The following EFTUD2 variants were observed in gnomAD, a reference collection of about 807,000 sequenced individuals.
EFTUD2 encodes elongation factor Tu GTP binding domain containing 2, also known as 116 kDa U5 small nuclear ribonucleoprotein component.
Under a neutral mutation model 114.3 loss-of-function variants are expected in EFTUD2, and 9 were observed. The observed-to-expected ratio is 0.08, with a 90% CI of 0.05 to 0.14. EFTUD2 has a LOEUF of 0.14. Ranked by LOEUF, EFTUD2 falls within the 10% of genes least tolerant of loss-of-function variation. EFTUD2 has a pLI of 1.00. For synonymous variants in EFTUD2, 449 were observed against 462.3 expected, an observed-to-expected ratio of 0.97 and a Z score of 0.37; for missense variants, 765 against 1,241.2, an observed-to-expected ratio of 0.62 and a Z score of 5.76.
At chr17:44,866,408 T>C (rs572303338) in intron 13 of EFTUD2, among the ~76,000 whole-genome samples, 39 of 141,958 alleles carry the variant, frequency 2.7e-4, no homozygotes, top group Middle Eastern at 3.6e-3. Context: ...CCAGTCCCAG[T>C]TGATTTATTT....
chr17:44,864,584 T>C (rs2050712568), intron 14 of EFTUD2, among the ~76,000 whole-genome samples: 1 of 152,178 alleles, frequency 6.6e-6, no homozygotes, highest in African/African-American at 2.4e-5. Context: ...TCCCAAGTCC[T>C]AGCCTAGTGC....
At chr17:44,858,217 C>T (rs1452906336) in intron 19 of EFTUD2, among the ~76,000 whole-genome samples, 2 of 151,932 alleles carry the variant, frequency 1.3e-5, no homozygotes, top group African/African-American at 4.8e-5. Flanking sequence ...CCACCGTGCT[C>T]GGCCTGTTTT....
chr17:44,860,315 G>T, intron 17 of EFTUD2, 117 bp downstream of exon 17: 1 of 824,802 alleles, frequency 1.2e-6, no homozygotes, highest in Non-Finnish European at 2.0e-6. Flanking sequence ...ATATCTAGAA[G>T]GCTAAGCCTG....
chr17:44,883,524 A>G, intron 5 of EFTUD2, 125 bp downstream of exon 5: 1 of 898,696 alleles, frequency 1.1e-6, no homozygotes, highest in Non-Finnish European at 1.8e-6. Context: ...ACAGGCATGC[A>G]GCACCCCTAG....
chr17:44,863,500 G>A (rs2050693366), intron 15 of EFTUD2, 155 bp downstream of exon 15: 4 of 1,044,902 alleles, frequency 3.8e-6, no homozygotes, highest in Non-Finnish European at 4.2e-6. Context: ...CACTAGCGGT[G>A]GCAACATCAG....
At chr17:44,886,897 T>A in intron 2 of EFTUD2, 147 bp from the exon 3 acceptor site, 1 of 1,335,314 alleles carries the variant, frequency 7.5e-7, no homozygotes, top group South Asian at 1.5e-5. Flanking sequence ...GTTCCACTCC[T>A]TTGAGACCCT....
chr17:44,893,768 G>T (rs1378862420), intron 2 of EFTUD2, among the ~76,000 whole-genome samples: 6 of 17,454 alleles, frequency 3.4e-4, no homozygotes, highest in Middle Eastern at 0.025. Context: ...AAAAAAAGGT[G>T]GGGGGGGGGG....
intron 2 of EFTUD2, among the ~76,000 whole-genome samples, chr17:44,891,258 T>G (rs1011574683): frequency 1.3e-5 from 2 of 152,114 alleles, no homozygotes; most frequent in Non-Finnish European, 2.9e-5. Context: ...ATGAGATAAA[T>G]GGGAATTAAC....
chr17:44,859,469 C>A (rs966404306), intron 18 of EFTUD2: 1 of 525,006 alleles, frequency 1.9e-6, no homozygotes, highest in South Asian at 2.3e-5. Flanking sequence ...CATAAGCTAG[C>A]CCTTTAGCCC....
chr17:44,851,602 A>G (rs1050874699), intron 27 of EFTUD2, 108 bp downstream of exon 27: 4 of 1,189,530 alleles, frequency 3.4e-6, no homozygotes, highest in Non-Finnish European at 4.7e-6. Context: ...ATATCTCTAC[A>G]TTGGAAAAGT....
At chr17:44,862,969 G>C (rs1035707558) in intron 15 of EFTUD2, 63 bp from the exon 16 acceptor site, 73 of 1,404,562 alleles carry the variant, frequency 5.2e-5, no homozygotes, top group Non-Finnish European at 7.0e-5. Context: ...ACTACTCCCC[G>C]CCATCTTCCT....
chr17:44,891,028 C>T (rs1302752705), intron 2 of EFTUD2, among the ~76,000 whole-genome samples: 1 of 152,062 alleles, frequency 6.6e-6, no homozygotes, highest in East Asian at 1.9e-4. Flanking sequence ...AGAGGAATGT[C>T]ACCAGGGCAA....
intron 9 of EFTUD2, among the ~76,000 whole-genome samples, chr17:44,876,526 C>T (rs2050952672): frequency 6.6e-6 from 1 of 152,144 alleles, no homozygotes; most frequent in Admixed American, 6.6e-5. Flanking sequence ...ACCCCAGTAG[C>T]AATGAGCACA....
At chr17:44,859,537 G>C (rs1411686878) in intron 18 of EFTUD2, 3 of 498,040 alleles carry the variant, frequency 6.0e-6, no homozygotes, top group Non-Finnish European at 1.1e-5. Context: ...AAGGATCAGA[G>C]TAACAACTCA....
Position 44,860,090 on chromosome 17 carries a change from G to A in EFTUD2, c.1720-45C>T, listed in dbSNP as rs777281637. On this transcript the variant is annotated intron_variant, in intron 17 of 27. Coordinates refer to ENST00000426333, the MANE Select transcript of EFTUD2 (RefSeq NM_004247.4). ...GGACTGAGGGCAACTGGCATGAGCA[G>A]GCACAGAAAGTGCAGAGGTATGAGA... 1.2e-5 allele frequency: 19 copies of A among 1,613,804 alleles called. No homozygotes were observed. In the South Asian group the frequency reaches 2.0e-4, roughly 17 times the overall value.
At chr17:44,896,704 A>T (rs971273767) in intron 1 of EFTUD2, among the ~76,000 whole-genome samples, 2 of 152,176 alleles carry the variant, frequency 1.3e-5, no homozygotes, top group African/African-American at 2.4e-5. Flanking sequence ...ATCACCAACT[A>T]TAGTTTATAA....
At chr17:44,875,180 T>C (rs1055343860) in intron 10 of EFTUD2, among the ~76,000 whole-genome samples, 5 of 151,412 alleles carry the variant, frequency 3.3e-5, no homozygotes, top group Non-Finnish European at 7.4e-5. Flanking sequence ...CTGGGCAACA[T>C]AGCAAGACTC....
In EFTUD2 at chr17:44,853,601, C is replaced by A. The variant is rs777836549; in HGVS notation, c.2382G>T (p.Ala794=). Residue 794 remains alanine (A), a synonymous_variant, in exon 24 of 28, where the codon GCG becomes GCT. Coordinates refer to ENST00000426333, the MANE Select transcript of EFTUD2 (RefSeq NM_004247.4). The stretch of plus-strand genomic sequence containing the variant: ...GGTGCAGGGGCTCCTGGGCAACCAC[C>A]GCATCCAGGATCTTAAACTTGACAT... ...IRNVKFKILD[A]VVAQEPLHRG... is the part of the protein sequence containing the mutation. The A allele has an allele frequency of 2.5e-6, 4 of 1,614,162 alleles. No homozygotes were observed. The highest frequency in any genetic ancestry group is 2.5e-6 in the Non-Finnish European group (3 of 1,180,016).
intron 11 of EFTUD2, 58 bp from the exon 12 acceptor site, chr17:44,868,408 T>C: frequency 6.4e-7 from 1 of 1,564,474 alleles, no homozygotes; most frequent in Non-Finnish European, 8.8e-7. Context: ...CAAAATTCTG[T>C]TTCAGGTGCC....
Sources: gnomAD v4.1 joint callset for allele counts (sites outside exome capture counted in the v4.1 genomes callset) on GRCh38, gnomAD v4.1.1 for gene constraint, MANE v1.5 for transcripts, NCBI Gene and HGNC (gene_info 2026-07-23, HGNC 2026-07-21) for gene names.